The following LARGE1 variants were observed in gnomAD, a reference collection of about 807,000 sequenced individuals.
LARGE1 encodes the protein xylosyl- and glucuronyltransferase LARGE1.
Under a neutral mutation model 87.6 loss-of-function variants are expected in LARGE1, and 43 were observed. That is an observed-to-expected ratio of 0.49 (90% CI 0.38 to 0.63). The LOEUF (loss-of-function observed/expected upper bound fraction) is 0.63. Ranked by LOEUF, LARGE1 falls within the 30% of genes least tolerant of loss-of-function variation. The probability of loss-of-function intolerance (pLI) is 0.00; values close to 1 mark genes in which losing one functional copy is unlikely to be tolerated. For synonymous variants in LARGE1, 434 were observed against 394.6 expected (o/e 1.10, Z -1.18); for missense variants, 802 against 1,000.2 (o/e 0.80, Z 2.67).
intron 11 of LARGE1, among the ~76,000 whole-genome samples, chr22:33,252,269 T>G (rs1425725688): frequency 7.4e-6 from 1 of 134,542 alleles, no homozygotes. Context: ...CCCCCGCCAT[T>G]TTAAACTCAT....
At chr22:33,918,721 C>T (rs1183763346) in intron 1 of LARGE1, among the ~76,000 whole-genome samples, 2 of 152,172 alleles carry the variant, frequency 1.3e-5, no homozygotes, top group Non-Finnish European at 2.9e-5. Context: ...AAAGCTGACT[C>T]CTGAGGTGGG....
chr22:33,393,483 T>C (rs1348160391), intron 7 of LARGE1, among the ~76,000 whole-genome samples: 1 of 152,244 alleles, frequency 6.6e-6, no homozygotes, highest in Non-Finnish European at 1.5e-5. Flanking sequence ...GATTTTTAAG[T>C]GACTACTGCT....
At chr22:33,892,815 C>T (rs561011102) in intron 1 of LARGE1, among the ~76,000 whole-genome samples, 29 of 152,362 alleles carry the variant, frequency 1.9e-4, no homozygotes, top group Admixed American at 1.0e-3. Flanking sequence ...TGTGTATGTT[C>T]ACAGTGTTAT....
chr22:33,764,683 G>A (rs1051267381), intron 1 of LARGE1, among the ~76,000 whole-genome samples: 10 of 152,128 alleles, frequency 6.6e-5, no homozygotes, highest in African/African-American at 1.9e-4. Context: ...ACTGGAACCC[G>A]GGAGGCGGAG....
At chr22:33,626,362 A>G (rs1661649379) in intron 3 of LARGE1, 36 bp from the exon 4 acceptor site, 1 of 1,548,526 alleles carries the variant, frequency 6.5e-7, no homozygotes. Flanking sequence ...GCAGTCAGAC[A>G]GACGGAAGGA....
chr22:33,782,280 C>T (rs1416025908), intron 1 of LARGE1, among the ~76,000 whole-genome samples: 2 of 152,126 alleles, frequency 1.3e-5, no homozygotes, highest in Non-Finnish European at 2.9e-5. Flanking sequence ...TCCTTTATGT[C>T]TCTCCCAGTC....
intron 1 of LARGE1, among the ~76,000 whole-genome samples, chr22:33,912,229 G>T (rs1032924149): frequency 2.6e-5 from 4 of 152,174 alleles, no homozygotes; most frequent in Non-Finnish European, 4.4e-5. Flanking sequence ...GGAGGGGATG[G>T]CTTCGAGTTA....
intron 6 of LARGE1, among the ~76,000 whole-genome samples, chr22:33,545,166 G>C (rs1004245310): frequency 4.0e-5 from 6 of 151,808 alleles, no homozygotes; most frequent in South Asian, 4.2e-4. Context: ...GCTTCCTTTT[G>C]TATTCCCTAC....
intron 1 of LARGE1, among the ~76,000 whole-genome samples, chr22:33,789,354 G>A (rs2085750527): frequency 6.6e-6 from 1 of 152,218 alleles, no homozygotes; most frequent in Non-Finnish European, 1.5e-5. Context: ...GAAATGCCTG[G>A]ATGTCCAGGC....
chr22:33,788,066 C>G (rs2085707767), intron 1 of LARGE1, among the ~76,000 whole-genome samples: 1 of 152,216 alleles, frequency 6.6e-6, no homozygotes, highest in Non-Finnish European at 1.5e-5. Flanking sequence ...GTCCACCATA[C>G]TTGGTATTAT....
At chr22:33,279,960 T>C (rs983528474) in intron 13 of LARGE1, among the ~76,000 whole-genome samples, 2 of 152,228 alleles carry the variant, frequency 1.3e-5, no homozygotes, top group Admixed American at 6.5e-5. Flanking sequence ...CAAAATGCTT[T>C]AATTAGCCGT....
the LARGE1 span, among the ~76,000 whole-genome samples, chr22:33,154,210 GA>G: frequency 6.6e-6 from 1 of 150,798 alleles, no homozygotes; most frequent in African/African-American, 2.4e-5. Flanking sequence ...TTAAGCTACT[GA>G]AGTCAGGTTT....
At chr22:33,652,267 T>C (rs9609853) in intron 2 of LARGE1, among the ~76,000 whole-genome samples, 2 of 152,034 alleles carry the variant, frequency 1.3e-5, no homozygotes, top group African/African-American at 2.4e-5. Context: ...AATGGTGATG[T>C]CAGAATTCGC....
rs752484282 is a variant in LARGE1, at chr22:33,843,029, T to C, written c.-83+76966A>G. Among the ~76,000 whole-genome samples the C allele has an allele frequency of 8.8e-4, 134 of 152,152 alleles. 2 individuals carry two copies. The highest frequency in any genetic ancestry group is 1.5e-3 in the Non-Finnish European group (99 of 68,022). On this transcript the variant is annotated intron_variant, in intron 1 of 14. Coordinates refer to ENST00000397394, the MANE Select transcript of LARGE1 (RefSeq NM_133642.5). ...CTCTGGGGGGGTCCTGTCTATGTTGTTCACGTGGCCCTGGATTTCCATACT... is the reference window on the plus strand; with the variant it reads ...CTCTGGGGGGGTCCTGTCTATGTTGCTCACGTGGCCCTGGATTTCCATACT...
intron 6 of LARGE1, among the ~76,000 whole-genome samples, chr22:33,503,033 C>A (rs1162980372): frequency 6.6e-6 from 1 of 152,256 alleles, no homozygotes; most frequent in East Asian, 1.9e-4. Context: ...GGTTGAGGTT[C>A]GAATCAGGTA....
At chr22:33,497,830 A>G (rs1180267004) in intron 6 of LARGE1, among the ~76,000 whole-genome samples, 1 of 152,176 alleles carries the variant, frequency 6.6e-6, no homozygotes, top group Admixed American at 6.5e-5. Context: ...ATCTCAGTTC[A>G]TCTACACTGT....
chr22:33,351,315 CA>C (rs1278728272), intron 9 of LARGE1, among the ~76,000 whole-genome samples: 3 of 152,236 alleles, frequency 2.0e-5, no homozygotes, highest in Non-Finnish European at 4.4e-5. Context: ...TATGTAGCTG[CA>C]TCAATGCAGA....
At chr22:33,892,576 A>C (rs986549412) in intron 1 of LARGE1, among the ~76,000 whole-genome samples, 2 of 152,228 alleles carry the variant, frequency 1.3e-5, no homozygotes, top group East Asian at 1.9e-4. Context: ...TCCACCACTC[A>C]GGTGCTTCAT....
intron 1 of LARGE1, among the ~76,000 whole-genome samples, chr22:33,799,317 G>C (rs144147476): frequency 6.6e-6 from 1 of 152,116 alleles, no homozygotes; most frequent in African/African-American, 2.4e-5. Context: ...TTCTGGAGCC[G>C]GGCTATGACC....
Sources: gnomAD v4.1 joint callset for allele counts (sites outside exome capture counted in the v4.1 genomes callset) on GRCh38, gnomAD v4.1.1 for gene constraint, MANE v1.5 for transcripts, NCBI Gene and HGNC (gene_info 2026-07-23, HGNC 2026-07-21) for gene names.